Variants in BMPR1A observed in about 807,000 individuals in gnomAD.
BMPR1A encodes bone morphogenetic protein receptor type-1A.
Under a neutral mutation model 66.0 loss-of-function variants are expected in BMPR1A, and 7 were observed. That is an observed-to-expected ratio of 0.11 (90% CI 0.06 to 0.20). The LOEUF is 0.20. Among genes scored for constraint, BMPR1A ranks in the 10% least tolerant of loss-of-function variants. BMPR1A has a pLI of 1.00. For missense variants in BMPR1A, 408 were observed against 669.1 expected (o/e 0.61, Z 4.31); for synonymous variants, 200 against 229.7 (o/e 0.87, Z 1.17).
At chr10:86,902,752 C>T (rs371816720) in intron 7 of BMPR1A, among the ~76,000 whole-genome samples, 1 of 152,176 alleles carries the variant, frequency 6.6e-6, no homozygotes, top group African/African-American at 2.4e-5. Flanking sequence ...AACAGAGTTT[C>T]GGGTTGGGCA....
chr10:86,842,263 G>T (rs1589742004), intron 2 of BMPR1A, among the ~76,000 whole-genome samples: 1 of 152,096 alleles, frequency 6.6e-6, no homozygotes, highest in Non-Finnish European at 1.5e-5. Flanking sequence ...TTGTTGATGG[G>T]GAGAAACCCT....
intron 3 of BMPR1A, among the ~76,000 whole-genome samples, chr10:86,882,153 G>T (rs1341307500): frequency 1.3e-5 from 2 of 152,158 alleles, no homozygotes; most frequent in Non-Finnish European, 2.9e-5. Flanking sequence ...GGGTATGTGT[G>T]GGTTCATTGT....
intron 2 of BMPR1A, among the ~76,000 whole-genome samples, chr10:86,865,007 CA>C (rs1362224191): frequency 3.9e-5 from 6 of 152,194 alleles, no homozygotes; most frequent in Non-Finnish European, 8.8e-5. Flanking sequence ...AACACTTCAA[CA>C]CTATTTTGTT....
In BMPR1A at chr10:86,802,977, C is replaced by T. The variant is rs1841832716; in HGVS notation, c.-267-35888C>T. Among the ~76,000 whole-genome samples the T allele has an allele frequency of 2.2e-5, 3 of 135,050 alleles. No individual in the cohort carries two copies. The Admixed American group carries it at 2.5e-4, about 11-fold the overall frequency. 88.6% of individuals were successfully genotyped at this position (135,050 alleles called of 152,430 possible). ...CCCTATCTAGGGATCTGCACTCTAGCCTGGGCGACAGAGCAAGACCCGGTC... is the reference window on the plus strand; with the variant it reads ...CCCTATCTAGGGATCTGCACTCTAGTCTGGGCGACAGAGCAAGACCCGGTC... On this transcript the variant is annotated intron_variant, in intron 1 of 12. Transcript: ENST00000372037.
intron 3 of BMPR1A, 33 bp from the exon 4 acceptor site, chr10:86,890,029 T>A (rs1400907641): frequency 6.2e-7 from 1 of 1,610,436 alleles, no homozygotes; most frequent in African/African-American, 1.3e-5. Context: ...TTTTCAGAAA[T>A]GATTTACTTA....
At chr10:86,922,840 G>A (rs570485740) in intron 11 of BMPR1A, among the ~76,000 whole-genome samples, 2 of 152,354 alleles carry the variant, frequency 1.3e-5, no homozygotes, top group East Asian at 3.9e-4. Flanking sequence ...GCCCAGGAGT[G>A]GTGAGTTACC....
intron 7 of BMPR1A, among the ~76,000 whole-genome samples, chr10:86,909,209 A>G (rs190683819): frequency 1.3e-5 from 2 of 152,302 alleles, no homozygotes; most frequent in African/African-American, 4.8e-5. Flanking sequence ...GTGTTAAATG[A>G]TCAGTTAAAT....
chr10:86,863,152 ATTTTTAG>A (rs1184408895), intron 2 of BMPR1A, among the ~76,000 whole-genome samples: 4 of 151,772 alleles, frequency 2.6e-5, no homozygotes, highest in African/African-American at 9.7e-5. Flanking sequence ...TAATTTCTGT[ATTTTTAG>A]TAGAGATGGG....
chr10:86,890,380 A>G (rs190949288), intron 4 of BMPR1A, among the ~76,000 whole-genome samples, 156 bp downstream of exon 4: 1 of 152,208 alleles, frequency 6.6e-6, no homozygotes, highest in Admixed American at 6.5e-5. Flanking sequence ...ATATTAGAAC[A>G]TTATTCCATT....
intron 1 of BMPR1A, among the ~76,000 whole-genome samples, chr10:86,815,520 T>C (rs1372609493): frequency 6.6e-6 from 1 of 152,178 alleles, no homozygotes; most frequent in Non-Finnish European, 1.5e-5. Context: ...TTCGTTCCAA[T>C]GAAGACTTGT....
chr10:86,768,934 C>CGCA (rs1841208572), intron 1 of BMPR1A, among the ~76,000 whole-genome samples: 1 of 152,108 alleles, frequency 6.6e-6, no homozygotes, highest in Non-Finnish European at 1.5e-5. Context: ...ACTGTGCTTG[C>CGCA]CACTGTAGTA....
chr10:86,846,963 T>G (rs775140668), intron 2 of BMPR1A, among the ~76,000 whole-genome samples: 7 of 151,570 alleles, frequency 4.6e-5, no homozygotes, highest in Non-Finnish European at 8.8e-5. Flanking sequence ...CCAGTTTGGG[T>G]GCTTTAATTT....
At chr10:86,788,948 A>T (rs1364369822) in intron 1 of BMPR1A, among the ~76,000 whole-genome samples, 2 of 151,752 alleles carry the variant, frequency 1.3e-5, no homozygotes, top group East Asian at 1.9e-4. Context: ...TTCCATTATT[A>T]AAAAAAATGG....
At chr10:86,888,607 G>A (rs1301762507) in intron 3 of BMPR1A, among the ~76,000 whole-genome samples, 5 of 152,056 alleles carry the variant, frequency 3.3e-5, no homozygotes, top group African/African-American at 7.2e-5. Context: ...CGGGAGGATC[G>A]CTTGAGCCCA....
intron 1 of BMPR1A, among the ~76,000 whole-genome samples, chr10:86,813,459 A>C (rs1252343535): frequency 6.6e-6 from 1 of 152,184 alleles, no homozygotes; most frequent in African/African-American, 2.4e-5. Flanking sequence ...TTCTAATTCT[A>C]AGTGGATAGT....
At chr10:86,916,724 C>T (rs1311240417) in intron 8 of BMPR1A, among the ~76,000 whole-genome samples, 7 of 152,060 alleles carry the variant, frequency 4.6e-5, no homozygotes, top group South Asian at 2.1e-4. Context: ...CATGGTGGCT[C>T]ACGCCTGTAA....
intron 1 of BMPR1A, among the ~76,000 whole-genome samples, chr10:86,757,155 G>A (rs1368455906): frequency 6.6e-6 from 1 of 152,066 alleles, no homozygotes; most frequent in Non-Finnish European, 1.5e-5. Flanking sequence ...TCCCACTCGC[G>A]GGTTGCAGGC....
chr10:86,901,231 C>A (rs963347969), intron 7 of BMPR1A, among the ~76,000 whole-genome samples: 3 of 152,212 alleles, frequency 2.0e-5, no homozygotes, highest in African/African-American at 7.2e-5. Flanking sequence ...TGAGTGCAGT[C>A]TCAGCTGACA....
chr10:86,884,707 G>A (rs1564713106), intron 3 of BMPR1A, among the ~76,000 whole-genome samples: 1 of 151,994 alleles, frequency 6.6e-6, no homozygotes, highest in Non-Finnish European at 1.5e-5. Flanking sequence ...GAGCCACCGC[G>A]CCTGGCCAAG....
Sources: gnomAD v4.1 joint callset for allele counts (sites outside exome capture counted in the v4.1 genomes callset) on GRCh38, gnomAD v4.1.1 for gene constraint, MANE v1.5 for transcripts, NCBI Gene and HGNC (gene_info 2026-07-23, HGNC 2026-07-21) for gene names.